KLHL3: variants seen among roughly 807,000 people sequenced by gnomAD.
KLHL3 encodes the protein kelch like family member 3.
Under a neutral mutation model 70.5 loss-of-function variants are expected in KLHL3, and 19 were observed. That is an observed-to-expected ratio of 0.27 (90% CI 0.19 to 0.40). The LOEUF (loss-of-function observed/expected upper bound fraction) is 0.40. KLHL3 is among the 10% of genes least tolerant of loss of function. KLHL3 has a pLI of 1.00. For missense variants in KLHL3, 512 were observed against 771.1 expected (o/e 0.66, Z 3.98); for synonymous variants, 258 against 290.3 (o/e 0.89, Z 1.13).
intron 6 of KLHL3, among the ~76,000 whole-genome samples, chr5:137,662,977 G>A (rs1296676583): frequency 6.7e-6 from 1 of 149,614 alleles, no homozygotes; most frequent in Admixed American, 6.7e-5. Context: ...ACAACCTAAA[G>A]TCCACTAATA....
intron 8 of KLHL3, among the ~76,000 whole-genome samples, chr5:137,648,555 T>C (rs888406535): frequency 2.6e-5 from 4 of 152,212 alleles, no homozygotes; most frequent in African/African-American, 7.2e-5. Flanking sequence ...CCTCGGGTTG[T>C]CCATGGCAAC....
chr5:137,657,327 C>G (rs1358474817), intron 8 of KLHL3, among the ~76,000 whole-genome samples: 3 of 152,202 alleles, frequency 2.0e-5, no homozygotes, highest in Non-Finnish European at 4.4e-5. Flanking sequence ...TCCCACCTTT[C>G]CTCCTGGGTT....
chr5:137,712,021 G>T (rs1315241680), intron 2 of KLHL3, among the ~76,000 whole-genome samples: 2 of 151,582 alleles, frequency 1.3e-5, no homozygotes, highest in Admixed American at 1.3e-4. Flanking sequence ...AGCCCGGTGT[G>T]GTGGCAGATG....
At chr5:137,642,758 A>G (rs2149887141) in intron 8 of KLHL3, among the ~76,000 whole-genome samples, 1 of 152,328 alleles carries the variant, frequency 6.6e-6, no homozygotes, top group Non-Finnish European at 1.5e-5. Flanking sequence ...GTGAGGAAAA[A>G]GCAAGCAAAA....
intron 3 of KLHL3, among the ~76,000 whole-genome samples, chr5:137,699,127 A>C (rs769865652): frequency 6.6e-5 from 10 of 152,202 alleles, no homozygotes; most frequent in Non-Finnish European, 1.3e-4. Flanking sequence ...GGAGGGAGCA[A>C]CAAATCTCTC....
Position 137,685,029 on chromosome 5 carries a change from G to A in KLHL3, c.526+7256C>T, listed in dbSNP as rs1752128714. On this transcript the variant is annotated intron_variant, in intron 5 of 14. Transcript: ENST00000309755. The stretch of plus-strand genomic sequence containing the variant: ...ATAGGCAGCTGGACATAGAGATGAT[G>A]CTTCAGCCCCCACAAAGTTGTGCTC... Among the ~76,000 whole-genome samples the A allele has an allele frequency of 2.0e-5, 3 of 152,192 alleles. No individual in the cohort carries two copies. The South Asian group carries it at 6.2e-4, about 32-fold the overall frequency.
rs1752495528 is a variant in KLHL3 at position 137,698,422 on chromosome 5, C to T, written c.242-14G>A. 6.2e-7 allele frequency: 1 copy of T among 1,613,744 alleles called. No individual in the cohort carries two copies. Among genetic ancestry groups the T allele is most frequent in the Admixed American group, 1.7e-5 (1 of 59,964 alleles). On this transcript the variant is annotated splice_polypyrimidine_tract_variant and intron_variant, in intron 3 of 14. Transcript: ENST00000309755. ...CAGACATGTCACCTAGAGTTTACAA[C>T]AAAAACAAAATGACATAAATGTGGT... is the stretch of plus-strand genomic sequence containing the variant.
intron 6 of KLHL3, among the ~76,000 whole-genome samples, chr5:137,663,934 T>C (rs1202751949): frequency 6.6e-6 from 1 of 152,190 alleles, no homozygotes; most frequent in African/African-American, 2.4e-5. Flanking sequence ...TGAAAAAGGT[T>C]CAAAGGAAAC....
At chr5:137,687,350 A>G (rs1213533054) in intron 5 of KLHL3, among the ~76,000 whole-genome samples, 33 of 25,804 alleles carry the variant, frequency 1.3e-3, no homozygotes, top group South Asian at 2.1e-3. Flanking sequence ...GCCTCTGCCC[A>G]GCCGCCCCTA....
At chr5:137,677,441 C>G (rs1311149238) in intron 6 of KLHL3, 104 bp downstream of exon 6, 2 of 695,452 alleles carry the variant, frequency 2.9e-6, no homozygotes, top group Non-Finnish European at 5.0e-6. Context: ...GAGCAAGACT[C>G]CATCTCAAAA....
intron 5 of KLHL3, among the ~76,000 whole-genome samples, chr5:137,685,472 T>C (rs1321440209): frequency 6.6e-6 from 1 of 152,200 alleles, no homozygotes; most frequent in Non-Finnish European, 1.5e-5. Context: ...GCATAATATA[T>C]AAATTCTGTA....
chr5:137,635,770 C>T (rs976187442), intron 11 of KLHL3, among the ~76,000 whole-genome samples: 1 of 152,270 alleles, frequency 6.6e-6, no homozygotes, highest in Non-Finnish European at 1.5e-5. Flanking sequence ...AAACAAATTC[C>T]CAGCCTGTCT....
Position 137,698,277 on chromosome 5 carries a change from C to G in KLHL3, c.363+10G>C, listed in dbSNP as rs375630816. The G allele has an allele frequency of 1.2e-6, 2 of 1,614,100 alleles. No homozygotes were observed. Among genetic ancestry groups the G allele is most frequent in the Non-Finnish European group, 1.7e-6 (2 of 1,179,986 alleles). ...GCAATACACTGAGCTATTAGTGAGC[C>G]TGAGTTTACCTGGACATTCTCTTCA... On this transcript the variant is annotated intron_variant, in intron 4 of 14. Coordinates refer to ENST00000309755, the MANE Select transcript of KLHL3 (RefSeq NM_017415.3).
At chr5:137,677,788 A>G (rs1375594724) in intron 5 of KLHL3, 134 bp from the exon 6 acceptor site, 3 of 511,512 alleles carry the variant, frequency 5.9e-6, no homozygotes, top group African/African-American at 2.0e-5. Flanking sequence ...AGGGAGTGAA[A>G]CAAAGACAGA....
intron 5 of KLHL3, among the ~76,000 whole-genome samples, chr5:137,691,442 TA>T (rs879527767): frequency 6.6e-5 from 10 of 152,166 alleles, no homozygotes; most frequent in Admixed American, 6.5e-4. Flanking sequence ...CAGTTGCACA[TA>T]TTATTTTGAT....
chr5:137,707,119 A>T (rs1192398394), intron 3 of KLHL3, among the ~76,000 whole-genome samples: 3 of 151,660 alleles, frequency 2.0e-5, no homozygotes, highest in African/African-American at 7.3e-5. Context: ...ATAGCAATTT[A>T]AAAAAAAATA....
chr5:137,721,970 G>A (rs919858957), intron 1 of KLHL3, among the ~76,000 whole-genome samples: 1 of 152,238 alleles, frequency 6.6e-6, no homozygotes, highest in Non-Finnish European at 1.5e-5. Flanking sequence ...AGTAGTGTGA[G>A]ACCTTGGAGT....
intron 8 of KLHL3, among the ~76,000 whole-genome samples, chr5:137,655,116 C>T (rs949228532): frequency 4.6e-5 from 7 of 152,180 alleles, no homozygotes; most frequent in Non-Finnish European, 1.0e-4. Context: ...TGTCATTCTT[C>T]TGATATCATA....
chr5:137,622,642 C>T (rs901553705), intron 14 of KLHL3, among the ~76,000 whole-genome samples: 2 of 152,240 alleles, frequency 1.3e-5, no homozygotes, highest in Non-Finnish European at 2.9e-5. Flanking sequence ...GTTCTTTGAC[C>T]TCTTTAGGCT....
Sources: gnomAD v4.1 joint callset for allele counts (sites outside exome capture counted in the v4.1 genomes callset) on GRCh38, gnomAD v4.1.1 for gene constraint, MANE v1.5 for transcripts, NCBI Gene and HGNC (gene_info 2026-07-23, HGNC 2026-07-21) for gene names.